The following ITGA9 variants were observed in gnomAD, a reference collection of about 807,000 sequenced individuals.
ITGA9 encodes the protein integrin alpha-9.
A neutral mutation model predicts 127.8 loss-of-function variants in ITGA9; 56 were observed. The ratio of observed to expected loss-of-function variants is 0.44; its 90% CI spans 0.35 to 0.55. ITGA9 has a LOEUF of 0.55. ITGA9 is among the 20% of genes least tolerant of loss of function. The pLI is 0.00. For synonymous variants in ITGA9, 508 were observed against 514.5 expected, an observed-to-expected ratio of 0.99 and a Z score of 0.17; for missense variants, 1,196 against 1,347.1, an observed-to-expected ratio of 0.89 and a Z score of 1.76.
Position 37,785,208 on chromosome 3 carries a change from G to A in ITGA9, c.2889+130G>A, listed in dbSNP as rs933644410. On this transcript the variant is annotated intron_variant, in intron 26 of 27. Transcript: ENST00000264741. ...GATGTTGGGTTTGTGGCAGACCCAAGACTATGCCTGCCTTGGCTTCCAGGC... is the reference window on the plus strand; with the variant it reads ...GATGTTGGGTTTGTGGCAGACCCAAAACTATGCCTGCCTTGGCTTCCAGGC... 7 of 729,012 alleles carry A rather than the reference G, an allele frequency of 9.6e-6. No individual in the cohort carries two copies. In the African/African-American group the frequency reaches 1.2e-4, roughly 13 times the overall value. The allele number at this position is 729,012 out of a possible 1,614,324, so 45.2% of individuals were successfully genotyped here.
At chr3:37,587,123 C>T (rs954938379) in intron 15 of ITGA9, among the ~76,000 whole-genome samples, 1 of 152,052 alleles carries the variant, frequency 6.6e-6, no homozygotes, top group African/African-American at 2.4e-5. Context: ...TCTATTTTCT[C>T]ATTTTGCATT....
At chr3:37,682,687 A>C (rs1010318600) in intron 17 of ITGA9, among the ~76,000 whole-genome samples, 1 of 152,038 alleles carries the variant, frequency 6.6e-6, no homozygotes, top group Non-Finnish European at 1.5e-5. Context: ...AACCTTCTCA[A>C]CCCAGTCTTT....
intron 15 of ITGA9, among the ~76,000 whole-genome samples, chr3:37,617,701 A>G (rs1700088448): frequency 6.6e-6 from 1 of 151,856 alleles, no homozygotes; most frequent in Admixed American, 6.6e-5. Context: ...TTCTTGCTTC[A>G]TTTCATTCAT....
At chr3:37,459,231 A>G (rs1698291822) in intron 1 of ITGA9, among the ~76,000 whole-genome samples, 1 of 152,250 alleles carries the variant, frequency 6.6e-6, no homozygotes, top group African/African-American at 2.4e-5. Flanking sequence ...AGCTCATTTA[A>G]TGTTCCCAAC....
At chr3:37,489,717 C>T (rs2125562922) in intron 4 of ITGA9, among the ~76,000 whole-genome samples, 1 of 129,394 alleles carries the variant, frequency 7.7e-6, no homozygotes, top group East Asian at 2.2e-4. Flanking sequence ...TTTACTAGAG[C>T]TGTGTCTGCC....
intron 26 of ITGA9, among the ~76,000 whole-genome samples, chr3:37,787,457 T>C (rs752699514): frequency 1.1e-4 from 17 of 152,174 alleles, no homozygotes; most frequent in South Asian, 2.1e-4. Context: ...ATATTTTCAT[T>C]ATCAAGAGTT....
chr3:37,631,572 C>T (rs1471662037), intron 16 of ITGA9, among the ~76,000 whole-genome samples: 2 of 152,116 alleles, frequency 1.3e-5, no homozygotes, highest in Non-Finnish European at 2.9e-5. Flanking sequence ...AGGGCATCAG[C>T]TAATAATAAG....
At chr3:37,564,524 A>G (rs921583071) in intron 15 of ITGA9, among the ~76,000 whole-genome samples, 1 of 152,158 alleles carries the variant, frequency 6.6e-6, no homozygotes, top group Non-Finnish European at 1.5e-5. Flanking sequence ...TGGATTTTTA[A>G]CAGCCTTGAT....
At position 37,553,340 on chromosome 3, in the gene ITGA9, T is replaced by C. The variant is rs138259258; in HGVS notation, c.1689+10755T>C. 3.9e-5 allele frequency among the ~76,000 whole-genome samples: 6 copies of C among 152,338 alleles called. No individual in the cohort carries two copies. In the East Asian group the frequency reaches 1.2e-3, roughly 29 times the overall value. On this transcript the variant is annotated intron_variant, in intron 15 of 27. Transcript: ENST00000264741. ...ACTCAAATATCACCAGTTATCTTCA[T>C]GTCCTTGGTAGCAAAAGAAAATCCC... is the stretch of plus-strand genomic sequence containing the variant.
Position 37,744,183 on chromosome 3 carries a change from A to G in ITGA9, c.2433+149A>G, listed in dbSNP as rs1334256997. 8.5e-6 allele frequency: 6 copies of G among 707,758 alleles called. No homozygotes were observed. The East Asian group carries it at 1.6e-4, about 19-fold the overall frequency. The allele number at this position is 707,758 out of a possible 1,614,324, so 43.8% of individuals were successfully genotyped here. On this transcript the variant is annotated intron_variant, in intron 22 of 27. Coordinates refer to ENST00000264741, the MANE Select transcript of ITGA9 (RefSeq NM_002207.3). Reference sequence around the variant, plus strand: ...GTGTGTGAGATCTGTAACCACACACAGAATGAATCCTTTTCGATGCCTGGT... The same window carrying G: ...GTGTGTGAGATCTGTAACCACACACGGAATGAATCCTTTTCGATGCCTGGT...
chr3:37,658,340 A>G (rs1700498164), intron 17 of ITGA9, among the ~76,000 whole-genome samples: 1 of 152,172 alleles, frequency 6.6e-6, no homozygotes, highest in African/African-American at 2.4e-5. Flanking sequence ...GTAGGTCTCT[A>G]AGAACTTGCT....
At chr3:37,769,798 G>A (rs954747560) in intron 23 of ITGA9, among the ~76,000 whole-genome samples, 2 of 152,164 alleles carry the variant, frequency 1.3e-5, no homozygotes, top group African/African-American at 4.8e-5. Context: ...TGACTTCCTG[G>A]TGGAGGGAGA....
intron 26 of ITGA9, chr3:37,789,799 A>G (rs1232096087): frequency 8.8e-6 from 2 of 227,488 alleles, no homozygotes; most frequent in South Asian, 5.4e-5. Context: ...AAAAAAGACT[A>G]TGCTCTCACA....
At chr3:37,759,265 G>T (rs1288809342) in intron 23 of ITGA9, among the ~76,000 whole-genome samples, 1 of 151,786 alleles carries the variant, frequency 6.6e-6, no homozygotes, top group African/African-American at 2.4e-5. Flanking sequence ...AATGGGAGGG[G>T]TAAGAATCCA....
intron 15 of ITGA9, among the ~76,000 whole-genome samples, chr3:37,624,683 C>T (rs1334864931): frequency 1.3e-5 from 2 of 152,188 alleles, no homozygotes; most frequent in Non-Finnish European, 2.9e-5. Context: ...TTGCAGCTCA[C>T]TGCACCTCCG....
intron 7 of ITGA9, among the ~76,000 whole-genome samples, chr3:37,506,344 G>A (rs1698843843): frequency 6.6e-6 from 1 of 152,134 alleles, no homozygotes; most frequent in Non-Finnish European, 1.5e-5. Context: ...ATGTGTGTGT[G>A]TGTAATTTAT....
intron 15 of ITGA9, among the ~76,000 whole-genome samples, chr3:37,552,211 GT>G (rs1699385127): frequency 9.6e-6 from 1 of 104,052 alleles, no homozygotes; most frequent in African/African-American, 5.8e-5. Flanking sequence ...GCCAGCTAAG[GT>G]TTTCTGAGGG....
rs3733139 is a variant in ITGA9, at chr3:37,519,328, G to A, written c.1210G>A (p.Gly404Ser). The change falls in exon 11 of 28, where the codon GGT becomes AGT. Residue 404 changes from glycine (G) to serine (S), a missense_variant. Coordinates refer to ENST00000264741, the MANE Select transcript of ITGA9 (RefSeq NM_002207.3). ...GGTCTATATCTATCATGGTGATGCC[G>A]GTGGGATAGTCCCTCAGTACTCAAT... Reference protein sequence around the residue: ...GAVYIYHGDAGGIVPQYSMKL... With the variant: ...GAVYIYHGDASGIVPQYSMKL... The A allele has an allele frequency of 7.1e-4, 1,143 of 1,613,962 alleles. 17 individuals are homozygous for A. The East Asian group carries it at 0.019, about 27-fold the overall frequency.
intron 8 of ITGA9, among the ~76,000 whole-genome samples, chr3:37,512,073 T>C (rs12715299): frequency 0.079 from 3,024 of 38,420 alleles, 340 homozygotes; most frequent in East Asian, 0.19. Context: ...TCTTTCTTTC[T>C]TTCCTTCCTT....
Sources: gnomAD v4.1 joint callset for allele counts (sites outside exome capture counted in the v4.1 genomes callset) on GRCh38, gnomAD v4.1.1 for gene constraint, MANE v1.5 for transcripts, NCBI Gene and HGNC (gene_info 2026-07-23, HGNC 2026-07-21) for gene names.